The following SPOCK3 variants were observed in gnomAD, a reference collection of about 807,000 sequenced individuals.
The protein encoded by SPOCK3 is SPARC (osteonectin), cwcv and kazal like domains proteoglycan 3.
Under a neutral mutation model 56.6 loss-of-function variants are expected in SPOCK3, and 30 were observed. The ratio of observed to expected loss-of-function variants is 0.53; its 90% CI spans 0.40 to 0.72. The LOEUF is 0.72. Among genes scored for constraint, SPOCK3 ranks in the 30% least tolerant of loss-of-function variants. SPOCK3 has a pLI of 0.00. For missense variants in SPOCK3, 527 were observed against 530.0 expected, an observed-to-expected ratio of 0.99 and a Z score of 0.06; for synonymous variants, 196 against 183.3, an observed-to-expected ratio of 1.07 and a Z score of -0.56.
At chr4:166,767,698 A>G (rs888607698) in intron 7 of SPOCK3, among the ~76,000 whole-genome samples, 9 of 152,166 alleles carry the variant, frequency 5.9e-5, no homozygotes, top group African/African-American at 2.2e-4. Context: ...GTAGATGTCT[A>G]TTAGGTCGGC....
chr4:167,139,845 T>A (rs1232003933), intron 2 of SPOCK3, among the ~76,000 whole-genome samples: 1 of 152,070 alleles, frequency 6.6e-6, no homozygotes, highest in African/African-American at 2.4e-5. Flanking sequence ...TACCTTACTC[T>A]AGCCAATTTT....
At chr4:166,765,036 CTTTG>C (rs1039832908) in intron 7 of SPOCK3, among the ~76,000 whole-genome samples, 15 of 151,838 alleles carry the variant, frequency 9.9e-5, no homozygotes, top group African/African-American at 2.9e-4. Context: ...TCGATGGGTT[CTTTG>C]TTTTTTTCTT....
chr4:167,082,901 A>G (rs919286471), intron 2 of SPOCK3, among the ~76,000 whole-genome samples: 14 of 149,678 alleles, frequency 9.4e-5, no homozygotes, highest in African/African-American at 1.2e-4. Flanking sequence ...GAGAGAGAGA[A>G]AGAGAGAGAG....
At chr4:167,213,896 C>T (rs1039414643) in intron 2 of SPOCK3, among the ~76,000 whole-genome samples, 2 of 152,114 alleles carry the variant, frequency 1.3e-5, no homozygotes, top group Admixed American at 6.6e-5. Flanking sequence ...CATTTCATCA[C>T]ACAGATGACT....
chr4:166,903,566 G>A (rs948408547), intron 5 of SPOCK3, among the ~76,000 whole-genome samples: 19 of 152,022 alleles, frequency 1.2e-4, no homozygotes, highest in African/African-American at 2.7e-4. Flanking sequence ...ATTCATCGAC[G>A]TGACTGTGCT....
At position 166,754,556 on chromosome 4, in the gene SPOCK3, T is replaced by C. The variant is rs779530536; in HGVS notation, c.883A>G (p.Ser295Gly). 3 of 1,613,494 alleles carry C rather than the reference T, an allele frequency of 1.9e-6. No individual in the cohort carries two copies. The highest frequency in any genetic ancestry group is 2.7e-5 in the African/African-American group (2 of 74,906). The change falls in exon 8 of 11, where the codon AGT becomes GGT. Residue 295 changes from serine to glycine, a missense_variant. Transcript: ENST00000357545. ...FFNSCDTYKD[S>G]LISNNEWCYC... ...CACCACTCATTATTAGATATTAAAC[T>C]GTCCTTGTATGTGTCACAAGAATTG...
At chr4:166,878,964 G>T (rs1263243485) in intron 6 of SPOCK3, among the ~76,000 whole-genome samples, 1 of 152,114 alleles carries the variant, frequency 6.6e-6, no homozygotes, top group Non-Finnish European at 1.5e-5. Flanking sequence ...GGAGTGTCCA[G>T]CATATACTAA....
rs1266857601 is a variant in SPOCK3, at chr4:167,103,944, T to G, written c.190-41407A>C. Among the ~76,000 whole-genome samples the G allele has an allele frequency of 2.0e-5, 3 of 152,168 alleles. No individual in the cohort carries two copies. In the East Asian group the frequency reaches 5.8e-4, roughly 29 times the overall value. Reference sequence around the variant, plus strand: ...AGGGAAGAGAACAAGTATCTTTGCCTGGTAATCCAGAGAAGATTTTGGATC... The same window carrying G: ...AGGGAAGAGAACAAGTATCTTTGCCGGGTAATCCAGAGAAGATTTTGGATC... On this transcript the variant is annotated intron_variant, in intron 2 of 10. Coordinates refer to ENST00000357545, the MANE Select transcript of SPOCK3 (RefSeq NM_001040159.2).
chr4:166,774,936 C>A (rs1265232810), intron 7 of SPOCK3, among the ~76,000 whole-genome samples: 2 of 152,194 alleles, frequency 1.3e-5, no homozygotes, highest in Non-Finnish European at 2.9e-5. Context: ...AACTTGCTTA[C>A]ATTTGCAAAT....
chr4:166,851,896 C>T (rs998837164), intron 6 of SPOCK3, among the ~76,000 whole-genome samples: 20 of 151,876 alleles, frequency 1.3e-4, no homozygotes, highest in African/African-American at 3.6e-4. Flanking sequence ...TGGAACCAAC[C>T]CAAATGTCCA....
intron 4 of SPOCK3, among the ~76,000 whole-genome samples, chr4:166,998,852 C>T (rs1360532122): frequency 6.6e-6 from 1 of 152,026 alleles, no homozygotes; most frequent in Non-Finnish European, 1.5e-5. Context: ...TTTTGACACC[C>T]TTCTCTTTTT....
chr4:166,857,232 C>T (rs1045778779), intron 6 of SPOCK3, among the ~76,000 whole-genome samples: 1 of 152,210 alleles, frequency 6.6e-6, no homozygotes, highest in Non-Finnish European at 1.5e-5. Context: ...GGTCTTCACT[C>T]AACGGTCAAC....
chr4:166,909,347 C>T (rs894897592), intron 5 of SPOCK3, among the ~76,000 whole-genome samples: 2 of 151,816 alleles, frequency 1.3e-5, no homozygotes, highest in Admixed American at 6.6e-5. Context: ...TCTTTGTGTA[C>T]CTTCTGATAT....
chr4:167,045,269 T>A (rs902713766), intron 3 of SPOCK3, among the ~76,000 whole-genome samples: 5 of 152,086 alleles, frequency 3.3e-5, no homozygotes, highest in Admixed American at 2.6e-4. Context: ...TCACTTTTAA[T>A]CTATACGTAG....
At chr4:167,205,291 ATATCTATAATATATATTATATATTT>A (rs1733990323) in intron 2 of SPOCK3, among the ~76,000 whole-genome samples, 12 of 49,398 alleles carry the variant, frequency 2.4e-4, no homozygotes, top group South Asian at 2.4e-3. Context: ...TATATATTTT[ATATCTATAATATATATTATATATTT>A]TATATATATA....
At chr4:167,032,457 G>C (rs763538009) in intron 3 of SPOCK3, among the ~76,000 whole-genome samples, 6 of 151,894 alleles carry the variant, frequency 4.0e-5, no homozygotes, top group Non-Finnish European at 8.8e-5. Flanking sequence ...ATGTTGACCA[G>C]CTTCACAGAT....
At chr4:166,960,805 G>A (rs72971687) in intron 4 of SPOCK3, among the ~76,000 whole-genome samples, 12,436 of 152,144 alleles carry the variant, frequency 0.082, 627 homozygotes, top group African/African-American at 0.14. Flanking sequence ...GGCACAGGAG[G>A]GATCGAGTTT....
At chr4:167,227,223 C>T (rs1185569821) in intron 2 of SPOCK3, among the ~76,000 whole-genome samples, 3 of 152,090 alleles carry the variant, frequency 2.0e-5, no homozygotes, top group East Asian at 1.9e-4. Context: ...TAAAACTGGA[C>T]ACGACAGCTT....
intron 7 of SPOCK3, among the ~76,000 whole-genome samples, chr4:166,772,450 A>C (rs17598006): frequency 0.46 from 69,460 of 151,984 alleles, 16,408 homozygotes; most frequent in African/African-American, 0.51. Context: ...AATTTCCAGG[A>C]GCATACAATT....
Sources: allele counts gnomAD v4.1 joint callset (sites outside exome capture counted in the v4.1 genomes callset), GRCh38; gene constraint gnomAD v4.1.1; transcripts MANE v1.5; gene names NCBI Gene and HGNC (gene_info 2026-07-23, HGNC 2026-07-21).